The following PRMT8 variants were observed in gnomAD, a reference collection of about 807,000 sequenced individuals.
PRMT8 encodes the protein protein arginine methyltransferase 8, also known as protein arginine N-methyltransferase 8.
In PRMT8, 7 loss-of-function variants were observed where a neutral mutation model predicts 47.1. That is an observed-to-expected ratio of 0.15 (90% CI 0.08 to 0.28). The LOEUF (loss-of-function observed/expected upper bound fraction) is 0.28. Ranked by LOEUF, PRMT8 falls within the 10% of genes least tolerant of loss-of-function variation. The pLI is 1.00. For missense variants in PRMT8, 237 were observed against 505.4 expected, an observed-to-expected ratio of 0.47 and a Z score of 5.09; for synonymous variants, 188 against 186.5, an observed-to-expected ratio of 1.01 and a Z score of -0.07.
rs1462486401 is a variant in PRMT8, at chr12:3,491,843, T to C, written c.75+143T>C. 6.8e-3 allele frequency: 731 copies of C among 106,786 alleles called. 12 individuals carry two copies. Among genetic ancestry groups the C allele is most frequent in the Non-Finnish European group, 9.3e-3 (570 of 61,506 alleles). The allele number at this position is 106,786 out of a possible 1,614,324, so 6.6% of individuals were successfully genotyped here. ...CTGCCGGCCTCCTCCTGTGTGTGTG[T>C]GTGTGTGTGTGTGTGTGTGTGTGTG... On this transcript the variant is annotated intron_variant, in intron 1 of 9. Transcript: ENST00000382622.
intron 1 of PRMT8, among the ~76,000 whole-genome samples, chr12:3,483,408 T>C (rs867491988): frequency 1.3e-5 from 2 of 152,172 alleles, no homozygotes; most frequent in African/African-American, 4.8e-5. Context: ...GAAACCACTC[T>C]TCTCTTGCTG....
At chr12:3,586,693 T>C (rs1867182440) in intron 8 of PRMT8, among the ~76,000 whole-genome samples, 1 of 152,156 alleles carries the variant, frequency 6.6e-6, no homozygotes, top group East Asian at 1.9e-4. Context: ...CTCCAGGTGA[T>C]TGCGATGCAT....
intron 4 of PRMT8, among the ~76,000 whole-genome samples, chr12:3,559,834 C>T (rs1052551079): frequency 1.3e-5 from 2 of 152,150 alleles, no homozygotes; most frequent in African/African-American, 2.4e-5. Context: ...TTGTGGCATC[C>T]GCACCCCTAC....
upstream of PRMT8, among the ~76,000 whole-genome samples, chr12:3,490,971 G>C (rs1865384754): frequency 6.6e-6 from 1 of 152,048 alleles, no homozygotes; most frequent in African/African-American, 2.4e-5. Context: ...CAAGAGCCTC[G>C]CCCGGCGCCG....
At chr12:3,464,389 A>T (rs928236382) in intron 1 of PRMT8, among the ~76,000 whole-genome samples, 11 of 152,158 alleles carry the variant, frequency 7.2e-5, no homozygotes, top group African/African-American at 2.7e-4. Context: ...AAGCAGTGTC[A>T]CACTTTCTTC....
At chr12:3,417,390 A>G (rs1039675169) in intron 1 of PRMT8, among the ~76,000 whole-genome samples, 1 of 152,264 alleles carries the variant, frequency 6.6e-6, no homozygotes, top group African/African-American at 2.4e-5. Flanking sequence ...AAAGGGAGCC[A>G]TGCAACATGA....
chr12:3,581,394 A>T (rs1867063036), intron 7 of PRMT8, among the ~76,000 whole-genome samples: 3 of 152,190 alleles, frequency 2.0e-5, no homozygotes, highest in Admixed American at 1.3e-4. Flanking sequence ...TTGAAGAAGG[A>T]CCTAATGACT....
chr12:3,398,509 C>G (rs1441162387), intron 1 of PRMT8, among the ~76,000 whole-genome samples: 1 of 152,152 alleles, frequency 6.6e-6, no homozygotes, highest in Non-Finnish European at 1.5e-5. Context: ...TTGGGGATTC[C>G]CCTTTGAGGA....
chr12:3,583,335 A>C lies in PRMT8; in HGVS notation c.979+127A>C, dbSNP rs1591615729. The C allele has an allele frequency of 1.9e-6, 2 of 1,044,454 alleles. No individual in the cohort carries two copies. Among genetic ancestry groups the C allele is most frequent in the Non-Finnish European group, 2.7e-6 (2 of 733,314 alleles). The allele number at this position is 1,044,454 out of a possible 1,614,324, so 64.7% of individuals were successfully genotyped here. A position where few individuals can be genotyped will look rare whatever the true frequency, so the allele number is the denominator to read the frequency against. On this transcript the variant is annotated intron_variant, in intron 8 of 9. Transcript: ENST00000382622. This position sits in a 1 kb window ranked among gnomAD's most constrained non-coding sequence, Gnocchi z 4.7. ...GGTGTTAGCTGGGTGACACCTATCA[A>C]CCCTCTCCAGCCATGGAGGAACCAT...
chr12:3,553,348 T>C, intron 3 of PRMT8: 1 of 463,914 alleles, frequency 2.2e-6, no homozygotes, highest in South Asian at 3.0e-5. Context: ...TGCCATTCTC[T>C]GCTGGCCAGG....
chr12:3,560,126 G>A (rs371253380), intron 4 of PRMT8, among the ~76,000 whole-genome samples: 2 of 152,188 alleles, frequency 1.3e-5, no homozygotes, highest in Admixed American at 6.5e-5. Flanking sequence ...GCGAGGCCAC[G>A]CAGGGCCCTG....
chr12:3,467,787 C>T (rs900370987), intron 1 of PRMT8, among the ~76,000 whole-genome samples: 1 of 152,116 alleles, frequency 6.6e-6, no homozygotes, highest in African/African-American at 2.4e-5. Flanking sequence ...AAAAGTCTCA[C>T]AGGCACCTCA....
chr12:3,414,427 T>G (rs1864463682), intron 1 of PRMT8, among the ~76,000 whole-genome samples: 1 of 152,192 alleles, frequency 6.6e-6, no homozygotes, highest in Non-Finnish European at 1.5e-5. Flanking sequence ...TTGACACTCT[T>G]AGTGGTGGGA....
intron 1 of PRMT8, among the ~76,000 whole-genome samples, chr12:3,440,571 T>C (rs1864790283): frequency 2.0e-5 from 3 of 152,048 alleles, no homozygotes; most frequent in African/African-American, 7.2e-5. Context: ...CACAGCTATG[T>C]TACTGGGGAA....
In PRMT8 at chr12:3,514,604, G is replaced by T. The variant is rs964839992; in HGVS notation, c.75+22904G>T. Among the ~76,000 whole-genome samples, 7 of 152,118 alleles carry T rather than the reference G, an allele frequency of 4.6e-5. No individual in the cohort carries two copies. The highest frequency in any genetic ancestry group is 1.7e-4 in the African/African-American group (7 of 41,414). ...CACATGTGCCCTTCCAGTTCACTCT[G>T]CACCTGTCTGCACCCTGCTCTGGAG... On this transcript the variant is annotated intron_variant, in intron 1 of 9. Coordinates refer to ENST00000382622, the MANE Select transcript of PRMT8 (RefSeq NM_019854.5). This position sits in a 1 kb window ranked among gnomAD's most constrained non-coding sequence, Gnocchi z 5.9.
At chr12:3,454,430 G>C (rs1864952852) in intron 1 of PRMT8, among the ~76,000 whole-genome samples, 1 of 152,144 alleles carries the variant, frequency 6.6e-6, no homozygotes, top group Non-Finnish European at 1.5e-5. Flanking sequence ...AATCACTGAC[G>C]TTAATCAGAG....
rs1352389840 is a variant in PRMT8, at chr12:3,508,633, T to A, written c.75+16933T>A. ...GTGAGTTGTGGTGCTGTGGGCTTGT[T>A]CCAGGCAGGGTTCTGGTCACCTTCT... On this transcript the variant is annotated intron_variant, in intron 1 of 9. Transcript: ENST00000382622. The surrounding 1 kb of genome is among the most constrained non-coding windows in gnomAD (Gnocchi z 4.9). 6.6e-6 allele frequency among the ~76,000 whole-genome samples: 1 copy of A among 152,156 alleles called. No homozygotes were observed. The highest frequency in any genetic ancestry group is 1.5e-5 in the Non-Finnish European group (1 of 68,026).
intron 1 of PRMT8, among the ~76,000 whole-genome samples, chr12:3,534,406 C>T (rs573005827): frequency 1.7e-4 from 26 of 152,310 alleles, no homozygotes; most frequent in African/African-American, 6.0e-4. Flanking sequence ...TGCCTTCCCC[C>T]TTCAGATGTC....
intron 1 of PRMT8, among the ~76,000 whole-genome samples, chr12:3,515,692 CT>C (rs1222886905): frequency 6.6e-6 from 1 of 152,236 alleles, no homozygotes; most frequent in Non-Finnish European, 1.5e-5. Context: ...AAGCACATTG[CT>C]TTCCTGCAGG....
Sources: allele counts gnomAD v4.1 joint callset (sites outside exome capture counted in the v4.1 genomes callset), GRCh38; gene constraint gnomAD v4.1.1; non-coding constraint Gnocchi (gnomAD v3.1); transcripts MANE v1.5; gene names NCBI Gene and HGNC (gene_info 2026-07-23, HGNC 2026-07-21).